ADAMTS20: variants seen among roughly 807,000 people sequenced by gnomAD.
ADAMTS20 encodes ADAM metallopeptidase with thrombospondin type 1 motif 20.
In ADAMTS20, 225 loss-of-function variants were observed where a neutral mutation model predicts 260.1. The observed-to-expected ratio is 0.87, with a 90% CI of 0.78 to 0.97. The LOEUF (loss-of-function observed/expected upper bound fraction) is 0.97, where lower values mean the gene tolerates loss of function less well. Ranked by LOEUF, ADAMTS20 falls within the 50% of genes least tolerant of loss-of-function variation. ADAMTS20 has a pLI of 0.00. For synonymous variants in ADAMTS20, 802 were observed against 769.5 expected (o/e 1.04, Z -0.70); for missense variants, 2,400 against 2,337.7 (o/e 1.03, Z -0.55).
At chr12:43,471,092 G>A (rs929411821) in intron 7 of ADAMTS20, among the ~76,000 whole-genome samples, 1 of 152,114 alleles carries the variant, frequency 6.6e-6, no homozygotes, top group African/African-American at 2.4e-5. Context: ...ATCTCACTAG[G>A]GAGTGCCAGA....
intron 8 of ADAMTS20, among the ~76,000 whole-genome samples, chr12:43,468,322 G>A (rs1417764439): frequency 6.6e-6 from 1 of 152,132 alleles, no homozygotes. Flanking sequence ...GATAACAAGA[G>A]ACAGAGGCCA....
intron 7 of ADAMTS20, among the ~76,000 whole-genome samples, chr12:43,487,279 G>A (rs1942537183): frequency 6.6e-6 from 1 of 152,150 alleles, no homozygotes; most frequent in Non-Finnish European, 1.5e-5. Flanking sequence ...CAATTTGGAT[G>A]GAACTGGAGG....
At chr12:43,426,357 T>A (rs1941333337) in intron 27 of ADAMTS20, among the ~76,000 whole-genome samples, 1 of 152,024 alleles carries the variant, frequency 6.6e-6, no homozygotes, top group African/African-American at 2.4e-5. Flanking sequence ...AGTAAAACTG[T>A]ATCTTAAAAA....
At chr12:43,396,431 A>G (rs1200789891) in intron 29 of ADAMTS20, among the ~76,000 whole-genome samples, 1 of 152,154 alleles carries the variant, frequency 6.6e-6, no homozygotes, top group Non-Finnish European at 1.5e-5. Context: ...TACCTCTGAA[A>G]TTACGCTTCT....
At chr12:43,492,654 C>G (rs1942621083) in intron 5 of ADAMTS20, 25 bp from the exon 6 acceptor site, 1 of 1,611,258 alleles carries the variant, frequency 6.2e-7, no homozygotes, top group Non-Finnish European at 8.5e-7. Context: ...CAATGCAATA[C>G]TATGTCAAAA....
chr12:43,516,514 A>C (rs1730355672), intron 3 of ADAMTS20, among the ~76,000 whole-genome samples: 1 of 152,250 alleles, frequency 6.6e-6, no homozygotes, highest in Non-Finnish European at 1.5e-5. Context: ...TACAGGGCTG[A>C]TTAGTGATCT....
At chr12:43,430,299 A>G in intron 23 of ADAMTS20, 53 bp downstream of exon 23, 5 of 1,555,126 alleles carry the variant, frequency 3.2e-6, no homozygotes, top group Non-Finnish European at 4.4e-6. Context: ...TAACACATCA[A>G]TAATCTTTCT....
chr12:43,480,431 T>C (rs754648241), intron 7 of ADAMTS20, among the ~76,000 whole-genome samples: 1 of 152,200 alleles, frequency 6.6e-6, no homozygotes, highest in Non-Finnish European at 1.5e-5. Context: ...TTTCAGTTCC[T>C]TTCGATATAT....
At chr12:43,474,414 G>A (rs1018935040) in intron 7 of ADAMTS20, among the ~76,000 whole-genome samples, 1 of 150,866 alleles carries the variant, frequency 6.6e-6, no homozygotes. Flanking sequence ...AAAGGTACAA[G>A]GAGGAACTGG....
intron 24 of ADAMTS20, 82 bp from the exon 25 acceptor site, chr12:43,428,881 T>A: frequency 2.4e-6 from 3 of 1,268,308 alleles, no homozygotes; most frequent in Non-Finnish European, 2.1e-6. Flanking sequence ...TTACTCACAT[T>A]TCTAAAACAT....
chr12:43,379,980 A>G (rs143943872), intron 31 of ADAMTS20, among the ~76,000 whole-genome samples: 2,152 of 133,098 alleles, frequency 0.016, 30 homozygotes, highest in South Asian at 0.025. Flanking sequence ...ATCCAGACAG[A>G]CATCACAAAA....
intron 2 of ADAMTS20, among the ~76,000 whole-genome samples, chr12:43,537,727 C>T (rs1477249601): frequency 6.6e-6 from 1 of 152,012 alleles, no homozygotes; most frequent in African/African-American, 2.4e-5. Flanking sequence ...TCCATGAGTT[C>T]AACTGTTTTG....
rs1941132371 is a variant in ADAMTS20, at chr12:43,416,511, A to G, written c.4284+9003T>C. On this transcript the variant is annotated intron_variant, in intron 28 of 38. Transcript: ENST00000389420. ...CACAAACTGGCTTGTCATTACAAAC[A>G]AGTCAAACTGACCTTTTTTTTTTTT... Among the ~76,000 whole-genome samples the G allele has an allele frequency of 2.0e-5, 3 of 150,404 alleles. No individual in the cohort carries two copies. The South Asian group carries it at 6.3e-4, about 32-fold the overall frequency.
chr12:43,495,835 A>T (rs1363911858), intron 4 of ADAMTS20, among the ~76,000 whole-genome samples: 1 of 152,230 alleles, frequency 6.6e-6, no homozygotes, highest in Non-Finnish European at 1.5e-5. Context: ...TTCATTAAAT[A>T]ATTAAGGATG....
chr12:43,377,490 G>A lies in ADAMTS20; in HGVS notation c.4870C>T (p.His1624Tyr). The A allele has an allele frequency of 6.2e-7, 1 of 1,613,670 alleles. No homozygotes were observed. ...YCTEIPSTKK[H>Y]KLHRLRPIVY... is the part of the protein sequence containing the mutation. ...ATAGGCCGAAGTCGATGGAGCTTAT[G>A]TTTCTTAGTAGATGGGATCTCGGTG... is the stretch of plus-strand genomic sequence containing the variant. Residue 1624 changes from histidine to tyrosine, a missense_variant, in exon 32 of 39, where the codon CAT (histidine) becomes TAT (tyrosine). Physicochemically the swap from His to Tyr is moderately conservative, Grantham distance 83. Transcript: ENST00000389420.
chr12:43,495,301 A>G (rs1942661690), intron 4 of ADAMTS20, among the ~76,000 whole-genome samples: 1 of 152,190 alleles, frequency 6.6e-6, no homozygotes, highest in Non-Finnish European at 1.5e-5. Flanking sequence ...TGCAAGGTGG[A>G]TAGTGGCTAT....
intron 28 of ADAMTS20, among the ~76,000 whole-genome samples, chr12:43,411,998 C>G (rs987716028): frequency 1.3e-5 from 2 of 151,914 alleles, no homozygotes; most frequent in Non-Finnish European, 2.9e-5. Flanking sequence ...AATGGAATAC[C>G]TTATTAACAC....
rs555634519 is a variant in ADAMTS20 at position 43,382,524 on chromosome 12, T to C, written c.4797+1034A>G. 1.2e-4 allele frequency among the ~76,000 whole-genome samples: 18 copies of C among 152,232 alleles called. No homozygotes were observed. The South Asian group carries it at 1.5e-3, about 12-fold the overall frequency. ...TTACTACTTATGGGTGCAGATATTT[T>C]TTTGGGAGTGATAAAAAGGCCTGGG... On this transcript the variant is annotated intron_variant, in intron 31 of 38. Coordinates refer to ENST00000389420, the MANE Select transcript of ADAMTS20 (RefSeq NM_025003.5).
intron 18 of ADAMTS20, among the ~76,000 whole-genome samples, chr12:43,435,696 T>TAAA: frequency 8.5e-6 from 1 of 117,096 alleles, no homozygotes; most frequent in African/African-American, 3.1e-5. Flanking sequence ...AAAAAGTCTA[T>TAAA]AAAAAAAAAA....
Sources: allele counts gnomAD v4.1 joint callset (sites outside exome capture counted in the v4.1 genomes callset), GRCh38; gene constraint gnomAD v4.1.1; transcripts MANE v1.5; gene names NCBI Gene and HGNC (gene_info 2026-07-23, HGNC 2026-07-21).